Variants in DVL2 observed in about 807,000 individuals in gnomAD.
DVL2 encodes segment polarity protein dishevelled homolog DVL-2.
Under a neutral mutation model 69.8 loss-of-function variants are expected in DVL2, and 38 were observed. That is an observed-to-expected ratio of 0.54 (90% CI 0.42 to 0.71). The LOEUF (loss-of-function observed/expected upper bound fraction) is 0.71. Ranked by LOEUF, DVL2 falls within the 30% of genes least tolerant of loss-of-function variation. DVL2 has a pLI of 0.00. For synonymous variants in DVL2, 428 were observed against 392.4 expected (o/e 1.09, Z -1.07); for missense variants, 931 against 1,008.1 (o/e 0.92, Z 1.04).
rs1043116356 is a variant in DVL2, at chr17:7,229,159, A to C, written c.933T>G (p.Ile311Met). 1.9e-6 allele frequency: 3 copies of C among 1,614,020 alleles called. No homozygotes were observed. The highest frequency in any genetic ancestry group is 2.5e-6 in the Non-Finnish European group (3 of 1,180,022). Residue 311 changes from isoleucine (I) to methionine (M), a missense_variant, in exon 8 of 15, where the codon ATT (isoleucine) becomes ATG (methionine). By Grantham distance (10) the Ile-to-Met change is conservative (BLOSUM62 1). Coordinates refer to ENST00000005340, the MANE Select transcript of DVL2 (RefSeq NM_004422.3). This position sits in a 1 kb window ranked among gnomAD's most constrained non-coding sequence, Gnocchi z 4.4. Reference protein sequence around the residue: ...KGGAVAADGRIEPGDMLLQVN... With the variant: ...KGGAVAADGRMEPGDMLLQVN... The stretch of plus-strand genomic sequence containing the variant: ...CCTGCAAAAGCATGTCCCCTGGCTC[A>C]ATGCGCCCGTCGGCCGCCACAGCCC...
At chr17:7,232,650 A>C (rs2071560002) in intron 1 of DVL2, among the ~76,000 whole-genome samples, 1 of 152,262 alleles carries the variant, frequency 6.6e-6, no homozygotes, top group African/African-American at 2.4e-5. Context: ...ATTGCTGACA[A>C]CTAGAAAAAC....
At position 7,229,456 on chromosome 17, in the gene DVL2, G is replaced by C. The variant is rs766258428; in HGVS notation, c.748-9C>G. 1.2e-6 allele frequency: 2 copies of C among 1,614,068 alleles called. No homozygotes were observed. Among genetic ancestry groups the C allele is most frequent in the South Asian group, 2.2e-5 (2 of 91,088 alleles). ...CTGCTGAAGGATGACGTCTGTGGTG[G>C]GAAAAGGAGCCAGAGTGCCCTTCAA... is the stretch of plus-strand genomic sequence containing the variant. On this transcript the variant is annotated splice_polypyrimidine_tract_variant and intron_variant, in intron 6 of 14. Coordinates refer to ENST00000005340, the MANE Select transcript of DVL2 (RefSeq NM_004422.3). This position sits in a 1 kb window ranked among gnomAD's most constrained non-coding sequence, Gnocchi z 4.4.
Position 7,225,892 on chromosome 17 carries a change from G to C in DVL2, c.2184C>G (p.Pro728=). ...ACATAACATCCACAAAGAACTCGCT[G>C]GGATTGCCCATGGCCATGTGGAAGC... ...RQSFHMAMGN[P]SEFFVDVM Residue 728 remains proline, a synonymous_variant, in exon 15 of 15, where the codon CCC becomes CCG. Transcript: ENST00000005340. 1 of 1,613,942 alleles carries C rather than the reference G, an allele frequency of 6.2e-7. No homozygotes were observed. The highest frequency in any genetic ancestry group is 8.5e-7 in the Non-Finnish European group (1 of 1,180,036).
Position 7,227,531 on chromosome 17 carries a change from A to G in DVL2, c.1236T>C (p.Cys412=), listed in dbSNP as rs1011163356. 1 of 1,613,914 alleles carries G rather than the reference A, an allele frequency of 6.2e-7. No individual in the cohort carries two copies. Among genetic ancestry groups the G allele is most frequent in the Admixed American group, 1.7e-5 (1 of 60,020 alleles). The change falls in exon 12 of 15, where the codon TGT becomes TGC. Residue 412 remains cysteine, a synonymous_variant. Transcript: ENST00000005340. ...ITSGSSLPDG[C]EGRGLSVHTD... ...TATGGACGGAGAGACCCCGGCCTTC[A>G]CAGCCTGGCAGAGGAGACAACGGGT...
chr17:7,233,101 A>AAAAAAAAAAAAAAAAAAAAAAAAAAC, intron 1 of DVL2, among the ~76,000 whole-genome samples: 1 of 150,152 alleles, frequency 6.7e-6, no homozygotes, highest in Non-Finnish European at 1.5e-5. Flanking sequence ...AAAAAAAAAA[A>AAAAAAAAAAAAAAAAAAAAAAAAAAC]AAAAAAGCAG....
intron 3 of DVL2, 60 bp from the exon 4 acceptor site, chr17:7,230,215 C>T (rs1312190501): frequency 7.5e-6 from 12 of 1,610,264 alleles, no homozygotes; most frequent in South Asian, 6.6e-5. Flanking sequence ...GGATCCTAGG[C>T]GTCCCCTACC....
At chr17:7,226,687 G>A (rs1168976437) in intron 13 of DVL2, 48 bp from the exon 14 acceptor site, 2 of 1,397,214 alleles carry the variant, frequency 1.4e-6, no homozygotes, top group Non-Finnish European at 9.5e-7. Context: ...CAAGAGGCTA[G>A]GGCCCCAAGA....
chr17:7,229,815 T>C lies in DVL2; in HGVS notation c.649A>G (p.Met217Val), dbSNP rs373945760. The change falls in exon 5 of 15, where the codon ATG becomes GTG. Residue 217 changes from methionine to valine, a missense_variant. Coordinates refer to ENST00000005340, the MANE Select transcript of DVL2 (RefSeq NM_004422.3). This position sits in a 1 kb window ranked among gnomAD's most constrained non-coding sequence, Gnocchi z 4.4. ...SLGDSDEEDT[M>V]SRFSSSTEQS... The stretch of plus-strand genomic sequence containing the variant: ...AGCTGTGCGGAGCCACACCTGCTCA[T>C]GGTGTCCTCCTCGTCCGAGTCCCCC... 1.9e-6 allele frequency: 3 copies of C among 1,611,934 alleles called. No homozygotes were observed. Among genetic ancestry groups the C allele is most frequent in the African/African-American group, 2.7e-5 (2 of 75,042 alleles).
At chr17:7,232,717 A>G (rs1003226704) in intron 1 of DVL2, among the ~76,000 whole-genome samples, 1 of 152,224 alleles carries the variant, frequency 6.6e-6, no homozygotes, top group South Asian at 2.1e-4. Flanking sequence ...ATGTCAAACA[A>G]TCTTTCTAGC....
Position 7,226,129 on chromosome 17 carries a change from TC to T in DVL2, c.1946del (p.Arg649LysfsTer32). 4 of 1,603,526 alleles carry T rather than the reference TC, an allele frequency of 2.5e-6. No homozygotes were observed. The highest frequency in any genetic ancestry group is 3.4e-6 in the Non-Finnish European group (4 of 1,174,692). ...GATTAGGGGCACCCCCAGTTGAGCC[TC>T]TGGATGGAGGAGGGCCCCCATCGCT... ...GTSDGGPPPS[R>X]GSTGGAPNLR... is the part of the protein sequence containing the mutation. On this transcript the variant is annotated frameshift_variant, in exon 15 of 15. Coordinates refer to ENST00000005340, the MANE Select transcript of DVL2 (RefSeq NM_004422.3). LOFTEE classifies it high-confidence loss of function.
Position 7,225,614 on chromosome 17 carries a change from G to T in DVL2, c.*251C>A, listed in dbSNP as rs918211609. The T allele has an allele frequency of 1.9e-6, 1 of 538,098 alleles. No homozygotes were observed. The highest frequency in any genetic ancestry group is 3.3e-6 in the Non-Finnish European group (1 of 305,330). The allele number at this position is 538,098 out of a possible 1,614,324, so 33.3% of individuals were successfully genotyped here. ...TGCCTATTAAAAAAGTCCCAAAAAT[G>T]TAAGAAACTCTATTTTAACCCCCAA... On this transcript the variant is annotated 3_prime_UTR_variant, in exon 15 of 15. Transcript: ENST00000005340.
chr17:7,227,829 A>G, intron 10 of DVL2, 46 bp from the exon 11 acceptor site: 1 of 1,556,492 alleles, frequency 6.4e-7, no homozygotes, highest in Non-Finnish European at 8.7e-7. Context: ...AGTCCCCAAA[A>G]GCCAGCCCAG....
rs222835 is a variant in DVL2, at chr17:7,230,810, A to G, written c.195-13T>C. On this transcript the variant is annotated splice_polypyrimidine_tract_variant and intron_variant, in intron 1 of 14. Coordinates refer to ENST00000005340, the MANE Select transcript of DVL2 (RefSeq NM_004422.3). ...TTCCTTCACCACCCTGCCAAGCGAC[A>G]AGGTAGAGGTCAGTGAGCTGGACCA... 931,317 of 1,606,916 alleles carry G rather than the reference A, an allele frequency of 0.58. 271,953 individuals carry two copies. Among genetic ancestry groups the G allele is most frequent in the Middle Eastern group, 0.68 (4,078 of 6,030 alleles).
At position 7,225,842 on chromosome 17, in the gene DVL2, G is replaced by A; in HGVS notation, c.*23C>T. On this transcript the variant is annotated 3_prime_UTR_variant, in exon 15 of 15. Coordinates refer to ENST00000005340, the MANE Select transcript of DVL2 (RefSeq NM_004422.3). ...CCCAGTCACACACCAGGAGCGCCCG[G>A]CCCAGCCTGGCCCCACAGTGGGCTA... The A allele has an allele frequency of 6.2e-7, 1 of 1,608,456 alleles. No individual in the cohort carries two copies. Among genetic ancestry groups the A allele is most frequent in the South Asian group, 1.1e-5 (1 of 90,980 alleles).
intron 1 of DVL2, among the ~76,000 whole-genome samples, chr17:7,233,034 G>T (rs2071566213): frequency 7.2e-6 from 1 of 138,406 alleles, no homozygotes; most frequent in South Asian, 2.3e-4. Flanking sequence ...AGCTTGCAGT[G>T]AGCTGAGAAT....
intron 13 of DVL2, 151 bp from the exon 14 acceptor site, chr17:7,226,790 C>G: frequency 1.5e-6 from 1 of 678,376 alleles, no homozygotes; most frequent in Non-Finnish European, 2.4e-6. Flanking sequence ...ACAAGAAACT[C>G]CCATCTACTT....
At position 7,230,809 on chromosome 17, in the gene DVL2, CAAGGTA is replaced by C. The variant is rs745423050; in HGVS notation, c.195-18_195-13del. 6.2e-7 allele frequency: 1 copy of C among 1,610,176 alleles called. No individual in the cohort carries two copies. The highest frequency in any genetic ancestry group is 8.5e-7 in the Non-Finnish European group (1 of 1,177,612). On this transcript the variant is annotated splice_polypyrimidine_tract_variant and intron_variant, in intron 1 of 14. Coordinates refer to ENST00000005340, the MANE Select transcript of DVL2 (RefSeq NM_004422.3). ...CTTCCTTCACCACCCTGCCAAGCGA[CAAGGTA>C]GAGGTCAGTGAGCTGGACCAACCAT...
Position 7,227,489 on chromosome 17 carries a change from C to A in DVL2, c.1278G>T (p.Val426=). The change falls in exon 12 of 15, where the codon GTG becomes GTT. Residue 426 remains valine (V), a synonymous_variant. Transcript: ENST00000005340. ...GLSVHTDMAS[V]TKAMAAPESG... is the part of the protein sequence containing the mutation. ...ACTCTGGAGCTGCCATGGCCTTGGT[C>A]ACCGATGCCATGTCCGTATGGACGG... 1 of 1,614,210 alleles carries A rather than the reference C, an allele frequency of 6.2e-7. No homozygotes were observed. Among genetic ancestry groups the A allele is most frequent in the Non-Finnish European group, 8.5e-7 (1 of 1,180,040 alleles).
At chr17:7,226,804 C>T (rs2071459874) in intron 13 of DVL2, 165 bp from the exon 14 acceptor site, 2 of 658,976 alleles carry the variant, frequency 3.0e-6, no homozygotes, top group Non-Finnish European at 5.0e-6. Flanking sequence ...TCTACTTCTG[C>T]CATGAGGGCA....
Sources: gnomAD v4.1 joint callset for allele counts (sites outside exome capture counted in the v4.1 genomes callset) on GRCh38, gnomAD v4.1.1 for gene constraint, Gnocchi (gnomAD v3.1) non-coding constraint, MANE v1.5 for transcripts, NCBI Gene and HGNC (gene_info 2026-07-23, HGNC 2026-07-21) for gene names.